The following LARGE1 variants were observed in gnomAD, a reference collection of about 807,000 sequenced individuals.
LARGE1 encodes the protein LARGE xylosyl- and glucuronyltransferase 1, also known as xylosyl- and glucuronyltransferase LARGE1.
A neutral mutation model predicts 87.6 loss-of-function variants in LARGE1; 43 were observed. The observed-to-expected ratio is 0.49, with a 90% CI of 0.38 to 0.63. The LOEUF is 0.63. Among genes scored for constraint, LARGE1 ranks in the 30% least tolerant of loss-of-function variants. The pLI is 0.00. For missense variants in LARGE1, 802 were observed against 1,000.2 expected (o/e 0.80, Z 2.67); for synonymous variants, 434 against 394.6 (o/e 1.10, Z -1.18).
chr22:33,795,870 A>T (rs12169879), intron 1 of LARGE1, among the ~76,000 whole-genome samples: 40,978 of 151,582 alleles, frequency 0.27, 6,342 homozygotes, highest in South Asian at 0.41. Context: ...GAGGTGGGAG[A>T]GATAGCATTA....
intron 4 of LARGE1, among the ~76,000 whole-genome samples, chr22:33,610,159 G>A (rs573706358): frequency 5.9e-5 from 9 of 152,294 alleles, no homozygotes; most frequent in African/African-American, 2.2e-4. Context: ...GGTACCAGGA[G>A]TGAGATACTA....
At chr22:33,457,046 C>A (rs1462027472) in intron 6 of LARGE1, among the ~76,000 whole-genome samples, 1 of 152,066 alleles carries the variant, frequency 6.6e-6, no homozygotes, top group African/African-American at 2.4e-5. Flanking sequence ...ATGGTAGTCA[C>A]TTGTATAGCA....
chr22:33,116,732 C>CA, the LARGE1 span, among the ~76,000 whole-genome samples: 35 of 152,230 alleles, frequency 2.3e-4, no homozygotes, highest in African/African-American at 8.2e-4. Flanking sequence ...TGGGTTGAAA[C>CA]AAAAGGGAAC....
chr22:33,682,010 G>A lies in LARGE1; in HGVS notation c.107-31342C>T, dbSNP rs140762138. ...ACCATGCAAAGACCAAGAATCTGACGCAAAGTGGTTGGGTGCTCTCTGGCT... is the reference window on the plus strand; with the variant it reads ...ACCATGCAAAGACCAAGAATCTGACACAAAGTGGTTGGGTGCTCTCTGGCT... On this transcript the variant is annotated intron_variant, in intron 2 of 14. Coordinates refer to ENST00000397394, the MANE Select transcript of LARGE1 (RefSeq NM_133642.5). Among the ~76,000 whole-genome samples, 1,302 of 152,256 alleles carry A rather than the reference G, an allele frequency of 8.6e-3. 14 individuals carry two copies. The highest frequency in any genetic ancestry group is 0.011 in the Non-Finnish European group (740 of 68,026).
chr22:33,838,735 A>T (rs900844899), intron 1 of LARGE1, among the ~76,000 whole-genome samples: 2 of 152,174 alleles, frequency 1.3e-5, no homozygotes, highest in Non-Finnish European at 2.9e-5. Context: ...ACTGGTGGGG[A>T]GTTCCAGAGG....
At chr22:33,300,181 G>A (rs1264692359) in intron 12 of LARGE1, among the ~76,000 whole-genome samples, 1 of 152,198 alleles carries the variant, frequency 6.6e-6, no homozygotes, top group East Asian at 1.9e-4. Flanking sequence ...GGCTGGCATG[G>A]AGGAAGGCTG....
In LARGE1 at chr22:33,916,841, C is replaced by T. The variant is rs189500988; in HGVS notation, c.-83+3154G>A. 6.3e-4 allele frequency among the ~76,000 whole-genome samples: 96 copies of T among 152,292 alleles called. 1 individual carries two copies. Among genetic ancestry groups the T allele is most frequent in the Non-Finnish European group, 7.8e-4 (53 of 68,028 alleles). ...TGACAGCATATATTCTCCACAGGATCGGTCTTCAATCGTTGGTGCTCAATG... is the reference window on the plus strand; with the variant it reads ...TGACAGCATATATTCTCCACAGGATTGGTCTTCAATCGTTGGTGCTCAATG... On this transcript the variant is annotated intron_variant, in intron 1 of 14. Transcript: ENST00000397394.
intron 1 of LARGE1, among the ~76,000 whole-genome samples, chr22:33,770,529 A>G (rs1439417470): frequency 6.6e-6 from 1 of 152,088 alleles, no homozygotes; most frequent in Non-Finnish European, 1.5e-5. Context: ...AAAAAAATGT[A>G]AAGACTTTAG....
intron 1 of LARGE1, among the ~76,000 whole-genome samples, chr22:33,777,482 G>A (rs2085278103): frequency 6.6e-6 from 1 of 151,976 alleles, no homozygotes; most frequent in African/African-American, 2.4e-5. Flanking sequence ...TACAAAAAAA[G>A]CATTTTTTAA....
At chr22:33,864,644 A>G (rs763320777) in intron 1 of LARGE1, among the ~76,000 whole-genome samples, 7 of 152,192 alleles carry the variant, frequency 4.6e-5, no homozygotes, top group Non-Finnish European at 8.8e-5. Flanking sequence ...TGCTGGACTG[A>G]TGGATGGATG....
At chr22:33,737,333 G>A (rs1320707075) in intron 2 of LARGE1, among the ~76,000 whole-genome samples, 1 of 152,164 alleles carries the variant, frequency 6.6e-6, no homozygotes, top group East Asian at 1.9e-4. Flanking sequence ...TGGCTTTGGG[G>A]ATGCAAAATT....
intron 2 of LARGE1, among the ~76,000 whole-genome samples, chr22:33,673,328 C>T: frequency 6.6e-6 from 1 of 152,020 alleles, no homozygotes; most frequent in East Asian, 1.9e-4. Flanking sequence ...ATAAGCCTGA[C>T]CCACAACCTC....
intron 2 of LARGE1, among the ~76,000 whole-genome samples, chr22:33,679,857 C>A (rs1280824728): frequency 1.3e-5 from 2 of 152,096 alleles, no homozygotes; most frequent in Non-Finnish European, 2.9e-5. Context: ...AACAAACAAA[C>A]AAACAAAAGA....
intron 9 of LARGE1, among the ~76,000 whole-genome samples, chr22:33,367,122 AT>A (rs59743659): frequency 0.15 from 22,015 of 149,656 alleles, 3,400 homozygotes; most frequent in African/African-American, 0.4. Context: ...ACAGTATTCT[AT>A]TTTTTTTTTC....
intron 6 of LARGE1, among the ~76,000 whole-genome samples, chr22:33,518,160 T>C (rs572079469): frequency 2.0e-5 from 3 of 152,390 alleles, no homozygotes; most frequent in Admixed American, 6.5e-5. Context: ...AAGTCCTTTA[T>C]GCTGAGCGCT....
intron 11 of LARGE1, 57 bp from the exon 12 acceptor site, chr22:33,304,564 C>T (rs1001232771): frequency 8.4e-5 from 126 of 1,498,116 alleles, no homozygotes; most frequent in Non-Finnish European, 1.1e-4. Context: ...CATCATCCGC[C>T]GGGCCTGTTG....
intron 11 of LARGE1, among the ~76,000 whole-genome samples, chr22:33,167,249 AT>A (rs1922323605): frequency 6.6e-6 from 1 of 152,138 alleles, no homozygotes; most frequent in Non-Finnish European, 1.5e-5. Flanking sequence ...ATGTCTGAAC[AT>A]TTTTCTCCAT....
chr22:33,892,544 C>CA (rs2065031485), intron 1 of LARGE1, among the ~76,000 whole-genome samples: 1 of 152,234 alleles, frequency 6.6e-6, no homozygotes, highest in African/African-American at 2.4e-5. Context: ...TTTGAGGCCA[C>CA]AAATGCAATC....
intron 6 of LARGE1, among the ~76,000 whole-genome samples, chr22:33,453,331 C>G (rs370578326): frequency 1.3e-4 from 20 of 151,960 alleles, no homozygotes; most frequent in African/African-American, 4.6e-4. Context: ...AGGAGAATCG[C>G]TTGAACCTGG....
Sources: gnomAD v4.1 joint callset for allele counts (sites outside exome capture counted in the v4.1 genomes callset) on GRCh38, gnomAD v4.1.1 for gene constraint, MANE v1.5 for transcripts, NCBI Gene and HGNC (gene_info 2026-07-23, HGNC 2026-07-21) for gene names.